GIGYF2: variants seen among roughly 807,000 people sequenced by gnomAD.
GIGYF2 encodes the protein GRB10-interacting GYF protein 2.
GIGYF2 carries 25 observed loss-of-function variants against 208.1 expected under a neutral mutation model. The observed-to-expected ratio is 0.12, with a 90% CI of 0.09 to 0.17. The LOEUF is 0.17. Among genes scored for constraint, GIGYF2 ranks in the 10% least tolerant of loss-of-function variants. The pLI is 1.00. For synonymous variants in GIGYF2, 534 were observed against 543.8 expected, an observed-to-expected ratio of 0.98 and a Z score of 0.25; for missense variants, 1,302 against 1,579.4, an observed-to-expected ratio of 0.82 and a Z score of 2.98.
intron 13 of GIGYF2, among the ~76,000 whole-genome samples, 167 bp from the exon 14 acceptor site, chr2:232,795,895 T>C (rs1700207453): frequency 6.6e-6 from 1 of 152,204 alleles, no homozygotes; most frequent in Non-Finnish European, 1.5e-5. Context: ...AAAATGGGGA[T>C]AGTACCTGTT....
Position 232,806,744 on chromosome 2 carries a change from A to G in GIGYF2, c.1806+87A>G. The G allele has an allele frequency of 1.1e-6, 1 of 915,722 alleles. No homozygotes were observed. 56.7% of individuals were successfully genotyped at this position (915,722 alleles called of 1,614,324 possible). On this transcript the variant is annotated intron_variant, in intron 15 of 28. Transcript: ENST00000373563. The surrounding 1 kb of genome is among the most constrained non-coding windows in gnomAD (Gnocchi z 4.0). ...AAAACACAACCCAAATATATCATCTAATGAAGGAATTGTAGTTCTTTGAAA... is the reference window on the plus strand; with the variant it reads ...AAAACACAACCCAAATATATCATCTGATGAAGGAATTGTAGTTCTTTGAAA...
chr2:232,852,488 C>T (rs1359757133), intron 28 of GIGYF2, among the ~76,000 whole-genome samples: 2 of 152,150 alleles, frequency 1.3e-5, no homozygotes, highest in Non-Finnish European at 2.9e-5. Flanking sequence ...GCGGAGGTTG[C>T]AGTGAGCTGA....
At chr2:232,839,445 C>G (rs1169403473) in intron 22 of GIGYF2, among the ~76,000 whole-genome samples, 2 of 152,200 alleles carry the variant, frequency 1.3e-5, no homozygotes, top group Non-Finnish European at 2.9e-5. Flanking sequence ...AACACTTTCA[C>G]TGGACAGCAG....
Position 232,760,454 on chromosome 2 carries a change from A to AT in GIGYF2, c.380-19dup, listed in dbSNP as rs745679441. 4 of 1,462,544 alleles carry AT rather than the reference A, an allele frequency of 2.7e-6. No homozygotes were observed. In the South Asian group the frequency reaches 3.4e-5, roughly 12 times the overall value. The allele number at this position is 1,462,544 out of a possible 1,614,324, so 90.6% of individuals were successfully genotyped here. A position where few individuals can be genotyped will look rare whatever the true frequency, so the allele number is the denominator to read the frequency against. On this transcript the variant is annotated intron_variant, in intron 6 of 28. Transcript: ENST00000373563. ...TGCCACATGTTGACATCTGACTATCATTTTTTTCTGTTTTCTTATTTTCAG... is the reference window on the plus strand; with the variant it reads ...TGCCACATGTTGACATCTGACTATCATTTTTTTTCTGTTTTCTTATTTTCAG...
intron 2 of GIGYF2, among the ~76,000 whole-genome samples, chr2:232,732,146 T>C (rs1487027723): frequency 3.3e-5 from 5 of 152,232 alleles, no homozygotes; most frequent in Non-Finnish European, 5.9e-5. Context: ...TCTATTACTC[T>C]GTCATCAATT....
intron 28 of GIGYF2, among the ~76,000 whole-genome samples, chr2:232,851,039 A>G (rs574693968): frequency 3.3e-5 from 5 of 152,196 alleles, no homozygotes; most frequent in African/African-American, 9.6e-5. Context: ...ATCTAGCATT[A>G]TGGACCATGC....
At chr2:232,730,347 G>C in intron 2 of GIGYF2, 1 of 501,624 alleles carries the variant, frequency 2.0e-6, no homozygotes, top group South Asian at 2.2e-5. Flanking sequence ...GCTCACGCCT[G>C]TAGTCCCAGC....
At chr2:232,750,198 C>T (rs1205038730) in intron 5 of GIGYF2, among the ~76,000 whole-genome samples, 1 of 150,236 alleles carries the variant, frequency 6.7e-6, no homozygotes, top group Non-Finnish European at 1.5e-5. Context: ...AAAAAAGAAA[C>T]AAAATGTTGG....
Position 232,847,534 on chromosome 2 carries a change from A to C in GIGYF2, c.3647A>C (p.Gln1216Pro), listed in dbSNP as rs201154978. 5.0e-6 allele frequency: 8 copies of C among 1,598,830 alleles called. No homozygotes were observed. Among genetic ancestry groups the C allele is most frequent in the Admixed American group, 3.4e-5 (2 of 59,370 alleles). ...CAGCTGCCACAGCAGCAGCAGCAGCAGCCGCCACAGCAGCCGCCACAGCAG... is the reference window on the plus strand; with the variant it reads ...CAGCTGCCACAGCAGCAGCAGCAGCCGCCGCCACAGCAGCCGCCACAGCAG... ...QQQLPQQQQQ[Q>P]PPQQPPQQPQ... is the part of the protein sequence containing the mutation. The change falls in exon 27 of 29, where the codon CAG (glutamine) becomes CCG (proline). Residue 1216 changes from glutamine (Q) to proline (P), a missense_variant. By Grantham distance (76) the Gln-to-Pro change is moderately conservative. This residue lies in a region of GIGYF2 where 701 missense variants were observed against 793.0 expected (regional missense o/e 0.88). Transcript: ENST00000373563.
At chr2:232,745,397 T>G (rs1017530183) in intron 3 of GIGYF2, among the ~76,000 whole-genome samples, 3 of 152,110 alleles carry the variant, frequency 2.0e-5, no homozygotes. Context: ...TGAAGACTGC[T>G]AGGGTCATGT....
rs545836681 is a variant in GIGYF2, at chr2:232,833,754, T to TAAAC, written c.2766+662_2766+665dup. ...TCACCAACTTAAAAATATAGGCATG[T>TAAAC]AAACGTTCAGATGTGTAAATGGGAA... On this transcript the variant is annotated intron_variant, in intron 22 of 28. Transcript: ENST00000373563. Among the ~76,000 whole-genome samples, 36 of 152,284 alleles carry TAAAC rather than the reference T, an allele frequency of 2.4e-4. 1 individual carries two copies. The East Asian group carries it at 6.4e-3, about 27-fold the overall frequency.
intron 8 of GIGYF2, among the ~76,000 whole-genome samples, chr2:232,786,601 G>A (rs913917344): frequency 1.3e-5 from 2 of 152,218 alleles, no homozygotes; most frequent in African/African-American, 4.8e-5. Flanking sequence ...TCATGTTTAG[G>A]CAGAATCACC....
At chr2:232,855,086 T>C (rs1478285780) in intron 28 of GIGYF2, among the ~76,000 whole-genome samples, 18 of 100,088 alleles carry the variant, frequency 1.8e-4, no homozygotes, top group East Asian at 5.2e-4. Context: ...CTTTCTTTTT[T>C]TTTTTTTTTT....
At chr2:232,847,855 C>T (rs1702074380) in intron 27 of GIGYF2, among the ~76,000 whole-genome samples, 1 of 152,104 alleles carries the variant, frequency 6.6e-6, no homozygotes, top group South Asian at 2.1e-4. Context: ...CATGTCAAAC[C>T]CATAGATCTG....
intron 24 of GIGYF2, 38 bp downstream of exon 24, chr2:232,844,293 G>C: frequency 1.2e-6 from 2 of 1,611,698 alleles, no homozygotes; most frequent in Non-Finnish European, 1.7e-6. Flanking sequence ...GTATGGACTA[G>C]TATTATCTTT....
At chr2:232,775,199 T>C (rs7564410) in intron 8 of GIGYF2, among the ~76,000 whole-genome samples, 15,598 of 152,154 alleles carry the variant, frequency 0.1, 1,166 homozygotes, top group African/African-American at 0.2. Context: ...TGGACTCTTA[T>C]AGTCAGTGTG....
At chr2:232,855,030 A>G (rs956133839) in intron 28 of GIGYF2, among the ~76,000 whole-genome samples, 19 of 149,126 alleles carry the variant, frequency 1.3e-4, no homozygotes, top group Admixed American at 2.7e-4. Context: ...AATTACATAC[A>G]TGTGACCATT....
intron 2 of GIGYF2, among the ~76,000 whole-genome samples, chr2:232,723,443 T>C (rs1574797251): frequency 2.0e-5 from 3 of 150,216 alleles, no homozygotes; most frequent in Admixed American, 2.0e-4. Flanking sequence ...TTTTTTTTTT[T>C]TTTTTGAGAC....
At chr2:232,767,050 GATAAA>G (rs923138366) in intron 8 of GIGYF2, 14 of 152,066 alleles carry the variant, frequency 9.2e-5, no homozygotes, top group South Asian at 2.1e-4. Flanking sequence ...TTTTAGCATA[GATAAA>G]ATAAAAAACA....
Sources: allele counts gnomAD v4.1 joint callset (sites outside exome capture counted in the v4.1 genomes callset), GRCh38; gene constraint gnomAD v4.1.1; regional missense constraint gnomAD v4.1.1; non-coding constraint Gnocchi (gnomAD v3.1); transcripts MANE v1.5; gene names NCBI Gene and HGNC (gene_info 2026-07-23, HGNC 2026-07-21).